FAM78A: variants seen among roughly 807,000 people sequenced by gnomAD.
FAM78A encodes protein FAM78A.
FAM78A carries 12 observed loss-of-function variants against 22.6 expected under a neutral mutation model. The observed-to-expected ratio is 0.53, with a 90% CI of 0.34 to 0.86. FAM78A has a LOEUF of 0.86. FAM78A is among the 40% of genes least tolerant of loss of function. The pLI is 0.02. For missense variants in FAM78A, 322 were observed against 396.1 expected (o/e 0.81, Z 1.59); for synonymous variants, 151 against 155.8 (o/e 0.97, Z 0.23).
intron 1 of FAM78A, chr9:131,270,271 C>T (rs1377937247): frequency 1.4e-5 from 10 of 717,450 alleles, no homozygotes; most frequent in African/African-American, 1.0e-4. Context: ...CACAGCTGAG[C>T]TCACCTCTCA....
chr9:131,264,726 CTTTT>C (rs57794278), intron 1 of FAM78A: 37 of 562,270 alleles, frequency 6.6e-5, no homozygotes, highest in South Asian at 1.7e-4. Flanking sequence ...CTTTTCTGAC[CTTTT>C]TTTTTTTTTT....
rs766305842 is a variant in FAM78A, at chr9:131,272,910, C to T, written c.323+2947G>A. 2.0e-5 allele frequency among the ~76,000 whole-genome samples: 3 copies of T among 151,620 alleles called. No homozygotes were observed. The highest frequency in any genetic ancestry group is 2.4e-5 in the African/African-American group (1 of 41,220). On this transcript the variant is annotated intron_variant, in intron 1 of 1. Transcript: ENST00000372271. This position sits in a 1 kb window ranked among gnomAD's most constrained non-coding sequence, Gnocchi z 4.1. ...TGGCACCATTGCACTCCAGCCTGGG[C>T]GACAAGAATAAGACTCTGTCTCAAA...
intron 1 of FAM78A, chr9:131,270,517 C>T: frequency 1.4e-6 from 1 of 715,464 alleles, no homozygotes; most frequent in Non-Finnish European, 2.6e-6. Flanking sequence ...GCAGCAATCC[C>T]TTGGCCAGGG....
chr9:131,266,789 G>A (rs949008661), intron 1 of FAM78A, among the ~76,000 whole-genome samples: 3 of 152,244 alleles, frequency 2.0e-5, no homozygotes, highest in African/African-American at 7.2e-5. Flanking sequence ...ACATATCTGG[G>A]ATGTATCACA....
chr9:131,278,441 G>A (rs1024721026), upstream of FAM78A, among the ~76,000 whole-genome samples: 8 of 152,134 alleles, frequency 5.3e-5, no homozygotes, highest in Admixed American at 3.3e-4. Flanking sequence ...GGAAGGTCGC[G>A]GGGAGGGGAG....
At chr9:131,262,044 T>A (rs1337969296) in intron 1 of FAM78A, among the ~76,000 whole-genome samples, 1 of 151,526 alleles carries the variant, frequency 6.6e-6, no homozygotes, top group East Asian at 1.9e-4. Context: ...CTGGCCAACA[T>A]GGTGAAACCT....
chr9:131,263,091 T>A (rs1475800448), intron 1 of FAM78A, among the ~76,000 whole-genome samples: 2 of 151,888 alleles, frequency 1.3e-5, no homozygotes, highest in Non-Finnish European at 2.9e-5. Context: ...GTACAAAGAT[T>A]AGCCAGGCAT....
chr9:131,258,273 G>A lies in FAM78A; in HGVS notation c.*2549C>T, dbSNP rs1403491235. On this transcript the variant is annotated 3_prime_UTR_variant, in exon 2 of 2. Transcript: ENST00000372271. ...AGTGAGTGGATGTCCACGCCAGGGC[G>A]GGGCTGGAGGACATAAGAAGAATCG... 1.3e-5 allele frequency: 2 copies of A among 152,704 alleles called. No individual in the cohort carries two copies. Among genetic ancestry groups the A allele is most frequent in the Non-Finnish European group, 1.5e-5 (1 of 68,090 alleles). 9.5% of individuals were successfully genotyped at this position (152,704 alleles called of 1,614,324 possible).
At position 131,274,006 on chromosome 9, in the gene FAM78A, G is replaced by A. The variant is rs1331107479; in HGVS notation, c.323+1851C>T. ...CTTCCAACCAGGAAGCCAGGACTGC[G>A]ACAGGGAGGGCAGGGTTGTCTCAGG... is the stretch of plus-strand genomic sequence containing the variant. On this transcript the variant is annotated intron_variant, in intron 1 of 1. Transcript: ENST00000372271. The surrounding 1 kb of genome is among the most constrained non-coding windows in gnomAD (Gnocchi z 4.2). 1.3e-5 allele frequency among the ~76,000 whole-genome samples: 2 copies of A among 152,202 alleles called. No individual in the cohort carries two copies. The highest frequency in any genetic ancestry group is 2.4e-5 in the African/African-American group (1 of 41,452).
chr9:131,268,586 G>A (rs985590725), intron 1 of FAM78A, among the ~76,000 whole-genome samples: 3 of 152,222 alleles, frequency 2.0e-5, no homozygotes, highest in Non-Finnish European at 4.4e-5. Context: ...GACCAACAGC[G>A]CCTGTTTAAT....
At chr9:131,269,476 C>T (rs552241462) in intron 1 of FAM78A, among the ~76,000 whole-genome samples, 19 of 151,452 alleles carry the variant, frequency 1.3e-4, no homozygotes, top group Non-Finnish European at 2.2e-4. Flanking sequence ...AACATCCTCA[C>T]GTGTGCATTT....
At position 131,258,901 on chromosome 9, in the gene FAM78A, C is replaced by T. The variant is rs972664898; in HGVS notation, c.*1921G>A. On this transcript the variant is annotated 3_prime_UTR_variant, in exon 2 of 2. Transcript: ENST00000372271. ...GGGGCCCCCTGAGCACCGTGCCAGC[C>T]GGCAGCTCCAGCCCAGTGTGTCCCA... 4 of 152,406 alleles carry T rather than the reference C, an allele frequency of 2.6e-5. No homozygotes were observed. The highest frequency in any genetic ancestry group is 3.8e-4 in the East Asian group (2 of 5,196). 9.4% of individuals were successfully genotyped at this position (152,406 alleles called of 1,614,324 possible).
rs1466507860 is a variant in FAM78A, at chr9:131,275,987, G to A, written c.193C>T (p.Arg65Trp). The change falls in exon 1 of 2, where the codon CGG becomes TGG. Residue 65 changes from arginine to tryptophan, a missense_variant. Arg to Trp is a moderately radical substitution (Grantham distance 101). Coordinates refer to ENST00000372271, the MANE Select transcript of FAM78A (RefSeq NM_033387.4). This position sits in a 1 kb window ranked among gnomAD's most constrained non-coding sequence, Gnocchi z 4.6. ...DESSSVVLRYRTPHFRASAQV... is the reference protein window; with the variant it reads ...DESSSVVLRYWTPHFRASAQV... ...GCCGAGGCCCGGAAGTGGGGTGTCCGGTAGCGGAGCACCACGCTGGAGGAC... is the reference window on the plus strand; with the variant it reads ...GCCGAGGCCCGGAAGTGGGGTGTCCAGTAGCGGAGCACCACGCTGGAGGAC... 6 of 1,613,614 alleles carry A rather than the reference G, an allele frequency of 3.7e-6. No individual in the cohort carries two copies. The highest frequency in any genetic ancestry group is 4.2e-6 in the Non-Finnish European group (5 of 1,180,024).
In FAM78A at chr9:131,276,249, AT is replaced by A; in HGVS notation, c.-71del. ...TCCAATCTCAACTCTCAAGACCGAT[AT>A]CCATAGGATAGAAAACTCACTGAGT... On this transcript the variant is annotated 5_prime_UTR_variant, in exon 1 of 2. The change abolishes the stop of an existing upstream ORF in the 5' untranslated region. Transcript: ENST00000372271. The surrounding 1 kb of genome is among the most constrained non-coding windows in gnomAD (Gnocchi z 4.3). 7.6e-7 allele frequency: 1 copy of A among 1,321,394 alleles called. No homozygotes were observed. Among genetic ancestry groups the A allele is most frequent in the Non-Finnish European group, 1.0e-6 (1 of 955,008 alleles). The allele number at this position is 1,321,394 out of a possible 1,614,324, so 81.9% of individuals were successfully genotyped here.
Position 131,261,387 on chromosome 9 carries a change from C to T in FAM78A, c.324-37G>A, listed in dbSNP as rs1332817456. The T allele has an allele frequency of 1.3e-6, 2 of 1,514,126 alleles. No individual in the cohort carries two copies. The highest frequency in any genetic ancestry group is 1.8e-6 in the Non-Finnish European group (2 of 1,139,252). 93.8% of individuals were successfully genotyped at this position (1,514,126 alleles called of 1,614,324 possible). A position where few individuals can be genotyped will look rare whatever the true frequency, so the allele number is the denominator to read the frequency against. On this transcript the variant is annotated intron_variant, in intron 1 of 1. Transcript: ENST00000372271. This position sits in a 1 kb window ranked among gnomAD's most constrained non-coding sequence, Gnocchi z 7.1. ...GAAGGCCAGTTCACTCACTCGGTCA[C>T]TCAAGGAGGGCTTTCTGTGTCCCCC...
intron 1 of FAM78A, chr9:131,270,255 A>AACAGGC (rs1440188007): frequency 2.8e-6 from 2 of 717,360 alleles, no homozygotes; most frequent in East Asian, 5.4e-5. Flanking sequence ...TGTGGACGGT[A>AACAGGC]ACAGGCACAG....
rs1366992674 is a variant in FAM78A at position 131,274,896 on chromosome 9, G to A, written c.323+961C>T. Among the ~76,000 whole-genome samples the A allele has an allele frequency of 6.6e-6, 1 of 152,192 alleles. No homozygotes were observed. The highest frequency in any genetic ancestry group is 1.5e-5 in the Non-Finnish European group (1 of 68,034). On this transcript the variant is annotated intron_variant, in intron 1 of 1. Transcript: ENST00000372271. The surrounding 1 kb of genome is among the most constrained non-coding windows in gnomAD (Gnocchi z 4.2). ...TGGGAGTGTCAGCGGCCAGTCACGG[G>A]GCCGCATGGGTGGGCTGCCCGCCGG...
intron 1 of FAM78A, chr9:131,263,864 G>C (rs953927320): frequency 6.6e-6 from 1 of 152,230 alleles, no homozygotes; most frequent in Non-Finnish European, 1.5e-5. Flanking sequence ...CCAGACTCAG[G>C]GAACCTGCAG....
rs543712654 is a variant in FAM78A, at chr9:131,261,381, C to A, written c.324-31G>T. The A allele has an allele frequency of 6.5e-7, 1 of 1,531,468 alleles. No homozygotes were observed. The highest frequency in any genetic ancestry group is 1.3e-5 in the South Asian group (1 of 79,930). 94.9% of individuals were successfully genotyped at this position (1,531,468 alleles called of 1,614,324 possible). On this transcript the variant is annotated intron_variant, in intron 1 of 1. Transcript: ENST00000372271. The surrounding 1 kb of genome is among the most constrained non-coding windows in gnomAD (Gnocchi z 7.1). ...GACAAGGAAGGCCAGTTCACTCACT[C>A]GGTCACTCAAGGAGGGCTTTCTGTG...
Sources: gnomAD v4.1 joint callset for allele counts (sites outside exome capture counted in the v4.1 genomes callset) on GRCh38, gnomAD v4.1.1 for gene constraint, Gnocchi (gnomAD v3.1) non-coding constraint, MANE v1.5 for transcripts, NCBI Gene and HGNC (gene_info 2026-07-23, HGNC 2026-07-21) for gene names.